The following CPD variants were observed in gnomAD, a reference collection of about 807,000 sequenced individuals.
The protein encoded by CPD is carboxypeptidase D.
CPD carries 69 observed loss-of-function variants against 138.3 expected under a neutral mutation model. The ratio of observed to expected loss-of-function variants is 0.50; its 90% CI spans 0.41 to 0.61. CPD has a LOEUF of 0.61. Among genes scored for constraint, CPD ranks in the 20% least tolerant of loss-of-function variants. The pLI is 0.00. For synonymous variants in CPD, 651 were observed against 642.1 expected (o/e 1.01, Z -0.21); for missense variants, 1,432 against 1,733.3 (o/e 0.83, Z 3.09).
chr17:30,449,872 A>G, intron 13 of CPD, 124 bp downstream of exon 13: 3 of 735,624 alleles, frequency 4.1e-6, no homozygotes, highest in Non-Finnish European at 2.1e-6. Flanking sequence ...GTACATTATG[A>G]ACTTTACTCT....
At chr17:30,442,662 A>T (rs1465838448) in intron 10 of CPD, among the ~76,000 whole-genome samples, 1 of 152,162 alleles carries the variant, frequency 6.6e-6, no homozygotes. Flanking sequence ...ATGTGAGGAA[A>T]AGTTGAAGAA....
In CPD at chr17:30,456,445, T is replaced by C. The variant is rs1245683453; in HGVS notation, c.3434-17T>C. ...CTTAAGGTCTTCCTGATTCCACATC[T>C]CTTAATGCTTTTATAGATGAGAATA... is the stretch of plus-strand genomic sequence containing the variant. On this transcript the variant is annotated splice_polypyrimidine_tract_variant and intron_variant, in intron 16 of 20. Coordinates refer to ENST00000225719, the MANE Select transcript of CPD (RefSeq NM_001304.5). The C allele has an allele frequency of 1.2e-6, 2 of 1,613,956 alleles. No homozygotes were observed.
chr17:30,451,762 CGA>C lies in CPD; in HGVS notation c.3129_3130del (p.Arg1043SerfsTer27). On this transcript the variant is annotated frameshift_variant, in exon 14 of 21. Transcript: ENST00000225719. LOFTEE classifies it high-confidence loss of function. The part of the protein sequence containing the change: ...VIVPSLNPDG[R>X]ERAQEKDCTS... ...TGTCCCTTCTCTAAATCCAGATGGG[CGA>C]GAGAGAGCTCAAGAGAAAGACTGTA... 6.2e-7 allele frequency: 1 copy of C among 1,613,776 alleles called. No individual in the cohort carries two copies. The highest frequency in any genetic ancestry group is 8.5e-7 in the Non-Finnish European group (1 of 1,179,840).
chr17:30,457,814 C>A (rs1913340741), intron 17 of CPD, among the ~76,000 whole-genome samples: 1 of 152,120 alleles, frequency 6.6e-6, no homozygotes, highest in Non-Finnish European at 1.5e-5. Context: ...CACCCGCATG[C>A]ACCACCATGC....
At chr17:30,435,791 TCA>T (rs1253396337) in intron 8 of CPD, among the ~76,000 whole-genome samples, 1 of 152,180 alleles carries the variant, frequency 6.6e-6, no homozygotes, top group African/African-American at 2.4e-5. Context: ...AAGTCCAAAA[TCA>T]CAGTGTTGGC....
chr17:30,395,639 G>T (rs1217384455), intron 2 of CPD, among the ~76,000 whole-genome samples: 2 of 151,314 alleles, frequency 1.3e-5, no homozygotes, highest in African/African-American at 4.9e-5. Flanking sequence ...CCAGTCTTTA[G>T]ATCTAATGTG....
intron 2 of CPD, among the ~76,000 whole-genome samples, chr17:30,408,096 T>C (rs1461307894): frequency 1.3e-5 from 2 of 152,254 alleles, no homozygotes; most frequent in Non-Finnish European, 2.9e-5. Flanking sequence ...TTTCTTGTTT[T>C]TGTCAGGTTT....
At chr17:30,421,066 A>G (rs1356127903) in intron 3 of CPD, 83 bp downstream of exon 3, 10 of 1,153,508 alleles carry the variant, frequency 8.7e-6, no homozygotes, top group East Asian at 4.9e-5. Flanking sequence ...ATGATAATCT[A>G]TACAGTATTA....
chr17:30,382,154 A>G (rs1322372449), intron 1 of CPD, among the ~76,000 whole-genome samples: 2 of 152,036 alleles, frequency 1.3e-5, no homozygotes, highest in African/African-American at 4.8e-5. Context: ...GGTGCAGATG[A>G]TTTTTTTGGG....
chr17:30,430,955 C>G (rs1054660277), intron 7 of CPD, among the ~76,000 whole-genome samples: 4 of 152,158 alleles, frequency 2.6e-5, no homozygotes, highest in Admixed American at 1.3e-4. Flanking sequence ...CTGTACGCAG[C>G]CCCTGTATTC....
At chr17:30,401,846 T>C (rs528708018) in intron 2 of CPD, among the ~76,000 whole-genome samples, 24 of 152,244 alleles carry the variant, frequency 1.6e-4, no homozygotes, top group African/African-American at 5.8e-4. Context: ...GCATGGATTT[T>C]TTTGCACTTA....
intron 2 of CPD, among the ~76,000 whole-genome samples, chr17:30,413,219 A>G (rs1320939151): frequency 1.3e-5 from 2 of 152,234 alleles, no homozygotes; most frequent in Non-Finnish European, 2.9e-5. Flanking sequence ...ATGACAATGA[A>G]TGCACGTGTG....
intron 9 of CPD, among the ~76,000 whole-genome samples, chr17:30,439,497 C>T (rs1355069150): frequency 3.7e-4 from 49 of 131,426 alleles, no homozygotes; most frequent in African/African-American, 6.5e-4. Flanking sequence ...CATGCTGGTG[C>T]GCTGCACCCA....
intron 12 of CPD, among the ~76,000 whole-genome samples, chr17:30,446,763 A>G (rs1209821717): frequency 6.6e-6 from 1 of 152,226 alleles, no homozygotes; most frequent in South Asian, 2.1e-4. Flanking sequence ...TGACTTCCAC[A>G]ATGGTTGAAC....
chr17:30,385,208 A>G lies in CPD; in HGVS notation c.966A>G (p.Thr322=). 1 of 1,614,104 alleles carries G rather than the reference A, an allele frequency of 6.2e-7. No individual in the cohort carries two copies. Among genetic ancestry groups the G allele is most frequent in the South Asian group, 1.1e-5 (1 of 91,090 alleles). The stretch of plus-strand genomic sequence containing the variant: ...ACGAGACTTTCAAAGATGGAATCAC[A>G]AACGGCGCACATTGGTATGATGTGG... ...DEDETFKDGI[T]NGAHWYDVEG... is the part of the protein sequence containing the mutation. The change falls in exon 2 of 21, where the codon ACA becomes ACG. Residue 322 remains threonine (T), a synonymous_variant. Transcript: ENST00000225719.
chr17:30,401,631 G>A (rs572956432), intron 2 of CPD, among the ~76,000 whole-genome samples: 1 of 152,090 alleles, frequency 6.6e-6, no homozygotes, highest in Admixed American at 6.6e-5. Context: ...CTACAGGCAC[G>A]TGTCACAACA....
chr17:30,419,880 C>G (rs1041009136), intron 2 of CPD, among the ~76,000 whole-genome samples: 5 of 152,190 alleles, frequency 3.3e-5, no homozygotes, highest in African/African-American at 1.2e-4. Flanking sequence ...TGAAAATAAT[C>G]AGATCATCAG....
At chr17:30,409,817 A>G (rs1348875060) in intron 2 of CPD, among the ~76,000 whole-genome samples, 4 of 152,028 alleles carry the variant, frequency 2.6e-5, no homozygotes, top group Non-Finnish European at 5.9e-5. Flanking sequence ...TCCTGGATTC[A>G]TTGATTTTTT....
At chr17:30,401,241 G>GCTGCTTCTTCTCCTTCTCCTT (rs1911651589) in intron 2 of CPD, among the ~76,000 whole-genome samples, 1 of 125,564 alleles carries the variant, frequency 8.0e-6, no homozygotes, top group African/African-American at 2.7e-5. Flanking sequence ...TGCTTCTGCT[G>GCTGCTTCTTCTCCTTCTCCTT]CTGCTTCTTC....
Sources: allele counts gnomAD v4.1 joint callset (sites outside exome capture counted in the v4.1 genomes callset), GRCh38; gene constraint gnomAD v4.1.1; transcripts MANE v1.5; gene names NCBI Gene and HGNC (gene_info 2026-07-23, HGNC 2026-07-21).